Variants in ZNF615 observed in about 807,000 individuals in gnomAD.
ZNF615 encodes zinc finger protein 615.
Under a neutral mutation model 15.3 loss-of-function variants are expected in ZNF615, and 15 were observed. That is an observed-to-expected ratio of 0.98 (90% confidence interval 0.66 to 1.51). ZNF615 has a LOEUF of 1.51. Ranked by LOEUF, ZNF615 falls within the 40% of genes most tolerant of loss-of-function variation. The pLI, the probability that ZNF615 is intolerant of heterozygous loss-of-function variation, is 0.00. For missense variants in ZNF615, 848 were observed against 895.9 expected (o/e 0.95, Z 0.68); for synonymous variants, 268 against 294.6 (o/e 0.91, Z 0.92).
At position 52,003,783 on chromosome 19, in the gene ZNF615, T is replaced by C; in HGVS notation, c.-72A>G. On this transcript the variant is annotated 5_prime_UTR_variant, in exon 3 of 7. Transcript: ENST00000598071. ...TTGTCTCTTCTGAATCAGCTCTAAA[T>C]TTCGGTTCAAAAACTTCAATCTCCA... 6.3e-7 allele frequency: 1 copy of C among 1,590,270 alleles called. No homozygotes were observed. The highest frequency in any genetic ancestry group is 8.5e-7 in the Non-Finnish European group (1 of 1,171,056).
rs373035556 is a variant in ZNF615 at position 51,992,921 on chromosome 19, G to A, written c.2188C>T (p.His730Tyr). 72 of 1,614,156 alleles carry A rather than the reference G, an allele frequency of 4.5e-5. No homozygotes were observed. The African/African-American group carries it at 8.7e-4, about 19-fold the overall frequency. The change falls in exon 7 of 7, where the codon CAC becomes TAC. Residue 730 changes from histidine (H) to tyrosine (Y), a missense_variant. Coordinates refer to ENST00000598071, the MANE Select transcript of ZNF615 (RefSeq NM_001199324.2). ...CTGTGTTTAACAAGGATAGACAAGT[G>A]CGCAAAAGCTTTCCCACAATCACTA... Reference protein sequence around the residue: ...GCSDCGKAFAHLSILVKHRRI... With the variant: ...GCSDCGKAFAYLSILVKHRRI...
chr19:51,994,995 T>A (rs1009231550), intron 6 of ZNF615, among the ~76,000 whole-genome samples, 158 bp from the exon 7 acceptor site: 1 of 152,176 alleles, frequency 6.6e-6, no homozygotes, highest in Admixed American at 6.5e-5. Context: ...TTTAATCACC[T>A]GGGTGCAGGC....
At position 51,993,827 on chromosome 19, in the gene ZNF615, CCAT is replaced by C. The variant is rs770480340; in HGVS notation, c.1279_1281del (p.Met427del). ...TCTCCAGTATGAGTTCGTTGATGTA[CCAT>C]GAGACAGTGCTTCATTGAAAAGCCT... On this transcript the variant is annotated inframe_deletion, in exon 7 of 7. Transcript: ENST00000598071. 6.2e-6 allele frequency: 10 copies of C among 1,613,820 alleles called. No homozygotes were observed. The highest frequency in any genetic ancestry group is 8.5e-6 in the Non-Finnish European group (10 of 1,180,004).
At chr19:52,003,144 GA>G (rs57061790) in intron 3 of ZNF615, among the ~76,000 whole-genome samples, 1 of 150,172 alleles carries the variant, frequency 6.7e-6, no homozygotes, top group African/African-American at 2.4e-5. Flanking sequence ...AGCAAATTTG[GA>G]AAAAAAAATC....
Position 52,003,906 on chromosome 19 carries a change from G to A in ZNF615, c.-189-6C>T. Reference sequence around the variant, plus strand: ...TTGTTCTCAGCACCTGTGGGCTGAAGAGCAAATTACTCTGAGTGGTACATT... The same window carrying A: ...TTGTTCTCAGCACCTGTGGGCTGAAAAGCAAATTACTCTGAGTGGTACATT... On this transcript the variant is annotated splice_polypyrimidine_tract_variant and splice_region_variant and intron_variant, in intron 2 of 6. Coordinates refer to ENST00000598071, the MANE Select transcript of ZNF615 (RefSeq NM_001199324.2). 1 of 1,378,368 alleles carries A rather than the reference G, an allele frequency of 7.3e-7. No homozygotes were observed. The highest frequency in any genetic ancestry group is 9.4e-7 in the Non-Finnish European group (1 of 1,067,774). 85.4% of individuals were successfully genotyped at this position (1,378,368 alleles called of 1,614,324 possible). A position where few individuals can be genotyped will look rare whatever the true frequency, so the allele number is the denominator to read the frequency against.
At chr19:52,002,854 T>C (rs1364133797) in intron 3 of ZNF615, among the ~76,000 whole-genome samples, 1 of 149,476 alleles carries the variant, frequency 6.7e-6, no homozygotes, top group East Asian at 2.0e-4. Context: ...TGAGATGGAG[T>C]CTTGCTCTGT....
intron 2 of ZNF615, among the ~76,000 whole-genome samples, chr19:52,006,620 C>T (rs766290416): frequency 1.5e-4 from 23 of 152,136 alleles, no homozygotes; most frequent in Non-Finnish European, 2.8e-4. Context: ...GTACTTATGT[C>T]TGTAACTTAC....
chr19:52,001,992 A>G, intron 4 of ZNF615, 84 bp from the exon 5 acceptor site: 1 of 1,592,048 alleles, frequency 6.3e-7, no homozygotes, highest in Non-Finnish European at 8.6e-7. Flanking sequence ...TTTAAGGACT[A>G]CATAGGTATC....
Position 51,994,533 on chromosome 19 carries a change from T to C in ZNF615, c.576A>G (p.Ala192=), listed in dbSNP as rs2086361830. The C allele has an allele frequency of 6.2e-7, 1 of 1,614,186 alleles. No individual in the cohort carries two copies. The highest frequency in any genetic ancestry group is 8.5e-7 in the Non-Finnish European group (1 of 1,180,022). ...GGGACTTATTAATAGGTTTTGCAATTGCAGGAAACTTCATTTCAGTATAAA... is the reference window on the plus strand; with the variant it reads ...GGGACTTATTAATAGGTTTTGCAATCGCAGGAAACTTCATTTCAGTATAAA... ...KQFYTEMKFP[A]IAKPINKSQF... is the part of the protein sequence containing the mutation. Residue 192 remains alanine, a synonymous_variant, in exon 7 of 7, where the codon GCA becomes GCG. Coordinates refer to ENST00000598071, the MANE Select transcript of ZNF615 (RefSeq NM_001199324.2).
Position 51,992,613 on chromosome 19 carries a change from C to A in ZNF615, c.*267G>T. On this transcript the variant is annotated 3_prime_UTR_variant, in exon 7 of 7. Transcript: ENST00000598071. ...CATTTCCACGAATTAGTAGTTTATT[C>A]ATGATCTATGATCACTTCTGAGGGG... 1 of 366,746 alleles carries A rather than the reference C, an allele frequency of 2.7e-6. No homozygotes were observed. Among genetic ancestry groups the A allele is most frequent in the Non-Finnish European group, 4.9e-6 (1 of 204,672 alleles). The allele number at this position is 366,746 out of a possible 1,614,324, so 22.7% of individuals were successfully genotyped here.
At chr19:52,003,665 T>C (rs2086668847) in intron 3 of ZNF615, 32 bp downstream of exon 3, 1 of 1,586,232 alleles carries the variant, frequency 6.3e-7, no homozygotes, top group African/African-American at 1.3e-5. Flanking sequence ...CATTGGAGAA[T>C]AAAGGAAAGA....
At chr19:52,006,503 A>T (rs1261567426) in intron 2 of ZNF615, among the ~76,000 whole-genome samples, 3 of 152,194 alleles carry the variant, frequency 2.0e-5, no homozygotes, top group Non-Finnish European at 4.4e-5. Context: ...TACCGAACCA[A>T]AATTATCTGT....
intron 2 of ZNF615, among the ~76,000 whole-genome samples, chr19:52,005,071 C>G (rs1400929103): frequency 1.3e-5 from 2 of 152,058 alleles, no homozygotes; most frequent in African/African-American, 4.8e-5. Context: ...TCAGCCTGAC[C>G]AACATGGTGA....
intron 6 of ZNF615, among the ~76,000 whole-genome samples, chr19:51,996,402 A>ACAAAAC (rs1555771242): frequency 1.5e-5 from 2 of 134,318 alleles, no homozygotes; most frequent in Non-Finnish European, 3.1e-5. Context: ...AAAAAAAAAA[A>ACAAAAC]AAAAAACGCA....
chr19:51,993,104 C>T lies in ZNF615; in HGVS notation c.2005G>A (p.Gly669Arg). 6.2e-7 allele frequency: 1 copy of T among 1,614,128 alleles called. No homozygotes were observed. The highest frequency in any genetic ancestry group is 2.2e-5 in the East Asian group (1 of 44,884). Reference sequence around the variant, plus strand: ...TCATTTTTGCGCAAAGAGAATTTTCCACATTCAGTACATGCAAAGGAAGTC... The same window carrying T: ...TCATTTTTGCGCAAAGAGAATTTTCTACATTCAGTACATGCAAAGGAAGTC... ...GKTSFACTEC[G>R]KFSLRKNDLI... is the part of the protein sequence containing the mutation. Residue 669 changes from glycine (G) to arginine (R), a missense_variant, in exon 7 of 7, where the codon GGA becomes AGA. Gly to Arg is a moderately radical substitution (Grantham distance 125, BLOSUM62 -2). Transcript: ENST00000598071.
chr19:52,004,104 G>T (rs1330611920), intron 2 of ZNF615, among the ~76,000 whole-genome samples: 1 of 152,152 alleles, frequency 6.6e-6, no homozygotes, highest in South Asian at 2.1e-4. Context: ...AAGTTGACGT[G>T]GTATGACTAC....
rs903923209 is a variant in ZNF615 at position 52,000,335 on chromosome 19, A to G, written c.271+11T>C. On this transcript the variant is annotated intron_variant, in intron 6 of 6. Coordinates refer to ENST00000598071, the MANE Select transcript of ZNF615 (RefSeq NM_001199324.2). ...ATCCTCGGCATCAGGCAATATATCC[A>G]TGAGACAAACCTGCATATGCACCTC... The G allele has an allele frequency of 3.5e-5, 22 of 633,928 alleles. No individual in the cohort carries two copies. Among genetic ancestry groups the G allele is most frequent in the African/African-American group, 3.4e-4 (19 of 55,712 alleles). The allele number at this position is 633,928 out of a possible 1,614,324, so 39.3% of individuals were successfully genotyped here.
rs149333567 is a variant in ZNF615 at position 51,993,583 on chromosome 19, C to T, written c.1526G>A (p.Arg509His). The change falls in exon 7 of 7, where the codon CGC becomes CAC. Residue 509 changes from arginine (R) to histidine (H), a missense_variant. Physicochemically the swap from Arg to His is conservative, Grantham distance 29 (BLOSUM62 0). Transcript: ENST00000598071. ...DCGKGFTVKS[R>H]LIVHQRTHTG... ...ATGAGTTCGCTGATGCACAATAAGG[C>T]GGCTCTTCACAGTGAAGCCTTTTCC... 69 of 1,613,778 alleles carry T rather than the reference C, an allele frequency of 4.3e-5. No individual in the cohort carries two copies. The highest frequency in any genetic ancestry group is 3.3e-4 in the Middle Eastern group (2 of 6,062).
Position 51,992,664 on chromosome 19 carries a change from A to C in ZNF615, c.*216T>G, listed in dbSNP as rs1451575035. On this transcript the variant is annotated 3_prime_UTR_variant, in exon 7 of 7. Transcript: ENST00000598071. The stretch of plus-strand genomic sequence containing the variant: ...GTTTATCTTCCCACCAAAGGCTTTT[A>C]TAGTCTGCCACATTCATAGGATTTT... 1 of 573,938 alleles carries C rather than the reference A, an allele frequency of 1.7e-6. No individual in the cohort carries two copies. Among genetic ancestry groups the C allele is most frequent in the Non-Finnish European group, 3.0e-6 (1 of 332,478 alleles). 35.6% of individuals were successfully genotyped at this position (573,938 alleles called of 1,614,324 possible).
Sources: gnomAD v4.1 joint callset for allele counts (sites outside exome capture counted in the v4.1 genomes callset) on GRCh38, gnomAD v4.1.1 for gene constraint, MANE v1.5 for transcripts, NCBI Gene and HGNC (gene_info 2026-07-23, HGNC 2026-07-21) for gene names.